The following FCRL5 variants were observed in gnomAD, a reference collection of about 807,000 sequenced individuals.
The protein encoded by FCRL5 is Fc receptor like 5.
A neutral mutation model predicts 92.1 loss-of-function variants in FCRL5; 79 were observed. That is an observed-to-expected ratio of 0.86 (90% CI 0.72 to 1.03). The LOEUF (loss-of-function observed/expected upper bound fraction) is 1.03, where lower values mean the gene tolerates loss of function less well. Among genes scored for constraint, FCRL5 ranks in the 50% least tolerant of loss-of-function variants. The pLI, the probability that FCRL5 is intolerant of heterozygous loss-of-function variation, is 0.00. For synonymous variants in FCRL5, 466 were observed against 469.3 expected, an observed-to-expected ratio of 0.99 and a Z score of 0.09; for missense variants, 1,160 against 1,181.1, an observed-to-expected ratio of 0.98 and a Z score of 0.26.
At position 157,537,311 on chromosome 1, in the gene FCRL5, G is replaced by A. The variant is rs1255324602; in HGVS notation, c.1402+1775C>T. Among the ~76,000 whole-genome samples the A allele has an allele frequency of 2.0e-5, 3 of 152,156 alleles. No individual in the cohort carries two copies. The East Asian group carries it at 5.8e-4, about 29-fold the overall frequency. ...GGAGGCCTCTGAAATGGCCGCTTTG[G>A]GGATGGCTGTCTTTTATGATCGTTG... On this transcript the variant is annotated intron_variant, in intron 7 of 16. Transcript: ENST00000361835.
At chr1:157,545,103 T>C in intron 3 of FCRL5, 21 bp from the exon 4 acceptor site, 1 of 1,606,372 alleles carries the variant, frequency 6.2e-7, no homozygotes, top group Non-Finnish European at 8.5e-7. Flanking sequence ...CACAATAGAG[T>C]TATTTGGTTC....
rs759851274 is a variant in FCRL5, at chr1:157,521,046, C to T, written c.2486G>A (p.Arg829His). 15 of 1,612,644 alleles carry T rather than the reference C, an allele frequency of 9.3e-6. No homozygotes were observed. The highest frequency in any genetic ancestry group is 3.3e-5 in the Admixed American group (2 of 59,724). The change falls in exon 11 of 17, where the codon CGC becomes CAC. Residue 829 changes from arginine (R) to histidine (H), a missense_variant. By Grantham distance (29) the Arg-to-His change is conservative. Coordinates refer to ENST00000361835, the MANE Select transcript of FCRL5 (RefSeq NM_031281.3). ...GATATAAAGTGTCACTGTCTCACTG[C>T]GCTGGGCCCCGAGGCCATTGTCGGC... Reference protein sequence around the residue: ...CEADNGLGAQRSETVTLYITG... With the variant: ...CEADNGLGAQHSETVTLYITG...
chr1:157,528,089 T>G, intron 8 of FCRL5, 194 bp from the exon 9 acceptor site: 1 of 517,526 alleles, frequency 1.9e-6, no homozygotes. Context: ...TCCAAAAAGC[T>G]CCTAGATCTG....
chr1:157,552,450 C>G lies in FCRL5; in HGVS notation c.-88G>C, dbSNP rs1651865278. On this transcript the variant is annotated 5_prime_UTR_variant, in exon 1 of 17. Transcript: ENST00000361835. ...TGGACTTGATCTTACAGTCAGGACA[C>G]TGCACACCAGCTCCAAGGAGCACAT... is the stretch of plus-strand genomic sequence containing the variant. 4 of 1,327,614 alleles carry G rather than the reference C, an allele frequency of 3.0e-6. No homozygotes were observed. The South Asian group carries it at 4.7e-5, about 16-fold the overall frequency. 82.2% of individuals were successfully genotyped at this position (1,327,614 alleles called of 1,614,324 possible). A position where few individuals can be genotyped will look rare whatever the true frequency, so the allele number is the denominator to read the frequency against.
chr1:157,532,171 T>C (rs1164231706), intron 8 of FCRL5: 1 of 152,186 alleles, frequency 6.6e-6, no homozygotes, highest in African/African-American at 2.4e-5. Context: ...GAGTTTCTGT[T>C]TCCTCTTTCC....
chr1:157,551,595 C>G (rs1651813025), intron 1 of FCRL5, among the ~76,000 whole-genome samples: 1 of 152,234 alleles, frequency 6.6e-6, no homozygotes, highest in Non-Finnish European at 1.5e-5. Context: ...CTTTCCAGAA[C>G]ATAGACGTAG....
intron 7 of FCRL5, among the ~76,000 whole-genome samples, chr1:157,537,447 T>C (rs1651018790): frequency 6.6e-6 from 1 of 152,222 alleles, no homozygotes; most frequent in African/African-American, 2.4e-5. Flanking sequence ...CTCAAAACCC[T>C]GTCTCCTGAT....
At chr1:157,543,530 C>T (rs900728128) in intron 5 of FCRL5, among the ~76,000 whole-genome samples, 1 of 152,188 alleles carries the variant, frequency 6.6e-6, no homozygotes, top group African/African-American at 2.4e-5. Flanking sequence ...CAAGGAGAGA[C>T]TAGGAGACCT....
intron 7 of FCRL5, among the ~76,000 whole-genome samples, chr1:157,535,515 A>G (rs555681603): frequency 7.1e-4 from 108 of 152,232 alleles, no homozygotes; most frequent in Non-Finnish European, 1.3e-3. Context: ...TACATTTATC[A>G]TCTCTACTTC....
In FCRL5 at chr1:157,524,307, G is replaced by C; in HGVS notation, c.2211C>G (p.Arg737=). Residue 737 remains arginine, a synonymous_variant, in exon 10 of 17, where the codon CGC becomes CGG. Coordinates refer to ENST00000361835, the MANE Select transcript of FCRL5 (RefSeq NM_031281.3). Reference sequence around the variant, plus strand: ...CAACTTTCAGTGTCACCATCTCACTGCGCTGGGCCTCCAGACCATTGTCTG... The same window carrying C: ...CAACTTTCAGTGTCACCATCTCACTCCGCTGGGCCTCCAGACCATTGTCTG... ...CEADNGLEAQ[R]SEMVTLKVAV... The C allele has an allele frequency of 6.2e-7, 1 of 1,614,280 alleles. No individual in the cohort carries two copies. The highest frequency in any genetic ancestry group is 1.1e-5 in the South Asian group (1 of 91,090).
At chr1:157,539,489 T>C (rs1422152522) in intron 6 of FCRL5, 125 bp from the exon 7 acceptor site, 1 of 874,560 alleles carries the variant, frequency 1.1e-6, no homozygotes, top group Non-Finnish European at 1.7e-6. Context: ...TGGGAACTAT[T>C]TCAGGCAAAC....
In FCRL5 at chr1:157,518,415, T is replaced by A; in HGVS notation, c.2812+14A>T. The A allele has an allele frequency of 6.2e-7, 1 of 1,609,580 alleles. No homozygotes were observed. Among genetic ancestry groups the A allele is most frequent in the Non-Finnish European group, 8.5e-7 (1 of 1,175,810 alleles). Reference sequence around the variant, plus strand: ...TTGAGGGTGGGCCAGAACAGAGACATCCTTGGGTCTTACCTGCATGTTTCT... The same window carrying A: ...TTGAGGGTGGGCCAGAACAGAGACAACCTTGGGTCTTACCTGCATGTTTCT... On this transcript the variant is annotated intron_variant, in intron 15 of 16. Transcript: ENST00000361835.
chr1:157,538,972 G>A (rs1473630597), intron 7 of FCRL5, 114 bp downstream of exon 7: 25 of 1,164,090 alleles, frequency 2.1e-5, no homozygotes, highest in Non-Finnish European at 3.0e-5. Flanking sequence ...AGGATATTAG[G>A]TTGTTTCAAG....
intron 4 of FCRL5, 111 bp from the exon 5 acceptor site, chr1:157,544,657 T>C (rs1325100980): frequency 7.0e-7 from 1 of 1,437,788 alleles, no homozygotes; most frequent in Admixed American, 1.9e-5. Context: ...AGGAATGCCA[T>C]TGATCCCTAG....
At chr1:157,535,352 T>C (rs751456294) in intron 7 of FCRL5, among the ~76,000 whole-genome samples, 7 of 152,256 alleles carry the variant, frequency 4.6e-5, no homozygotes, top group Non-Finnish European at 7.3e-5. Context: ...TCCTTACCTC[T>C]TTTGGCTTCT....
intron 3 of FCRL5, 83 bp downstream of exon 3, chr1:157,546,860 C>T: frequency 6.6e-7 from 1 of 1,511,952 alleles, no homozygotes; most frequent in Non-Finnish European, 8.9e-7. Context: ...CATGAAGGGT[C>T]TGAGGTAAAC....
At chr1:157,546,511 A>G (rs199546519) in intron 3 of FCRL5, among the ~76,000 whole-genome samples, 1 of 151,888 alleles carries the variant, frequency 6.6e-6, no homozygotes, top group East Asian at 1.9e-4. Flanking sequence ...AAAAAGCTAT[A>G]CATAGATTCA....
intron 7 of FCRL5, 33 bp downstream of exon 7, chr1:157,539,053 G>A (rs1409084094): frequency 3.7e-6 from 6 of 1,603,674 alleles, no homozygotes; most frequent in East Asian, 2.2e-5. Flanking sequence ...CTCTTGGCCA[G>A]GGGTGGGTGA....
At chr1:157,523,340 T>A (rs1650283128) in intron 10 of FCRL5, among the ~76,000 whole-genome samples, 1 of 152,240 alleles carries the variant, frequency 6.6e-6, no homozygotes, top group Admixed American at 6.5e-5. Flanking sequence ...GTCTGCATAA[T>A]CCATATTCCC....
Sources: allele counts gnomAD v4.1 joint callset (sites outside exome capture counted in the v4.1 genomes callset), GRCh38; gene constraint gnomAD v4.1.1; transcripts MANE v1.5; gene names NCBI Gene and HGNC (gene_info 2026-07-23, HGNC 2026-07-21).